The following SLC4A4 variants were observed in gnomAD, a reference collection of about 807,000 sequenced individuals.
The protein encoded by SLC4A4 is electrogenic sodium bicarbonate cotransporter 1.
SLC4A4 carries 27 observed loss-of-function variants against 111.5 expected under a neutral mutation model. That is an observed-to-expected ratio of 0.24 (90% CI 0.18 to 0.33). The LOEUF (loss-of-function observed/expected upper bound fraction) is 0.33, where lower values mean the gene tolerates loss of function less well. Among genes scored for constraint, SLC4A4 ranks in the 10% least tolerant of loss-of-function variants. The pLI is 1.00. For missense variants in SLC4A4, 909 were observed against 1,315.5 expected (o/e 0.69, Z 4.78); for synonymous variants, 443 against 463.4 (o/e 0.96, Z 0.57).
rs1737678572 is a variant in SLC4A4, at chr4:71,568,298, A to G, written c.*547A>G. On this transcript the variant is annotated 3_prime_UTR_variant, in exon 26 of 26. Transcript: ENST00000264485. ...GCTTACTGGCTTGTCTTTGTCTGGT[A>G]GAACAAACCTTGACCTCCAGACAGA... 1 of 166,598 alleles carries G rather than the reference A, an allele frequency of 6.0e-6. No homozygotes were observed. The highest frequency in any genetic ancestry group is 2.4e-5 in the African/African-American group (1 of 41,480). The allele number at this position is 166,598 out of a possible 1,614,324, so 10.3% of individuals were successfully genotyped here.
At chr4:71,469,909 T>G (rs1162162819) in intron 13 of SLC4A4, among the ~76,000 whole-genome samples, 4 of 151,978 alleles carry the variant, frequency 2.6e-5, no homozygotes, top group African/African-American at 9.7e-5. Flanking sequence ...GTACCCAAAC[T>G]AATGTTGTTC....
intron 2 of SLC4A4, among the ~76,000 whole-genome samples, chr4:71,125,227 C>T (rs1743529954): frequency 6.6e-6 from 1 of 152,150 alleles, no homozygotes; most frequent in Non-Finnish European, 1.5e-5. Flanking sequence ...AAGAGAACAA[C>T]AAAAAGGCCA....
intron 1 of SLC4A4, among the ~76,000 whole-genome samples, chr4:71,220,713 T>C (rs1282798815): frequency 6.6e-6 from 1 of 151,674 alleles, no homozygotes; most frequent in Admixed American, 6.6e-5. Flanking sequence ...ATTTTATTTA[T>C]TTTTTTTAAC....
At chr4:71,180,411 A>G (rs1361655348) in intron 2 of SLC4A4, among the ~76,000 whole-genome samples, 1 of 152,200 alleles carries the variant, frequency 6.6e-6, no homozygotes, top group Non-Finnish European at 1.5e-5. Context: ...AGAGTGAACA[A>G]GCAACCTACA....
At chr4:71,444,113 T>C (rs1725013933) in intron 8 of SLC4A4, among the ~76,000 whole-genome samples, 1 of 152,188 alleles carries the variant, frequency 6.6e-6, no homozygotes, top group Admixed American at 6.5e-5. Context: ...ATGCTAGAAA[T>C]AGCTGTGATG....
At chr4:71,100,927 G>A (rs1467453454) in intron 2 of SLC4A4, among the ~76,000 whole-genome samples, 1 of 152,192 alleles carries the variant, frequency 6.6e-6, no homozygotes, top group Non-Finnish European at 1.5e-5. Context: ...ACAAAACACT[G>A]CTCAAAGAAA....
intron 1 of SLC4A4, among the ~76,000 whole-genome samples, chr4:71,211,444 G>T (rs920433249): frequency 6.6e-6 from 1 of 152,304 alleles, no homozygotes; most frequent in East Asian, 1.9e-4. Context: ...CCATGAGGTT[G>T]TTTTTACCAG....
intron 1 of SLC4A4, among the ~76,000 whole-genome samples, chr4:71,070,686 T>C (rs1211574501): frequency 6.6e-6 from 1 of 152,184 alleles, no homozygotes; most frequent in Non-Finnish European, 1.5e-5. Context: ...CAATTAAAAA[T>C]ACTGGTTTGA....
chr4:71,531,967 T>C, intron 16 of SLC4A4, 95 bp from the exon 17 acceptor site: 1 of 753,310 alleles, frequency 1.3e-6, no homozygotes, highest in South Asian at 1.5e-5. Context: ...TGCTATAAAC[T>C]ATTAGCAAAT....
intron 20 of SLC4A4, among the ~76,000 whole-genome samples, chr4:71,550,727 C>G (rs1560612736): frequency 6.6e-6 from 1 of 151,916 alleles, no homozygotes; most frequent in Non-Finnish European, 1.5e-5. Flanking sequence ...ATATCCCTCA[C>G]AAGTTTAATG....
chr4:71,515,137 T>C (rs1732266443), intron 16 of SLC4A4, among the ~76,000 whole-genome samples: 1 of 152,090 alleles, frequency 6.6e-6, no homozygotes, highest in South Asian at 2.1e-4. Context: ...TTCTTCATAC[T>C]GTTTTGCTGA....
intron 2 of SLC4A4, among the ~76,000 whole-genome samples, chr4:71,160,286 T>C (rs548928735): frequency 6.6e-6 from 1 of 152,286 alleles, no homozygotes; most frequent in Non-Finnish European, 1.5e-5. Context: ...ACTAAATACA[T>C]TCCCTATTGT....
chr4:71,245,838 G>A (rs1446072230), intron 2 of SLC4A4, among the ~76,000 whole-genome samples: 1 of 152,090 alleles, frequency 6.6e-6, no homozygotes, highest in Non-Finnish European at 1.5e-5. Flanking sequence ...CCAACATTTG[G>A]AGATTAACAA....
intron 7 of SLC4A4, among the ~76,000 whole-genome samples, chr4:71,402,220 A>G (rs1720434534): frequency 6.6e-6 from 1 of 152,226 alleles, no homozygotes; most frequent in South Asian, 2.1e-4. Flanking sequence ...CTATCTTAAA[A>G]TGAAATCTAG....
At chr4:71,472,073 C>CT (rs976796482) in intron 13 of SLC4A4, among the ~76,000 whole-genome samples, 2 of 151,880 alleles carry the variant, frequency 1.3e-5, no homozygotes, top group Admixed American at 6.6e-5. Flanking sequence ...GCCACGTTAT[C>CT]TTTTTAACTA....
At chr4:71,176,071 T>G (rs185080596) in intron 2 of SLC4A4, among the ~76,000 whole-genome samples, 4 of 152,340 alleles carry the variant, frequency 2.6e-5, no homozygotes, top group Non-Finnish European at 5.9e-5. Context: ...AAACATGGTC[T>G]GGAGTGGACC....
chr4:71,475,739 T>C (rs1273352221), intron 14 of SLC4A4, among the ~76,000 whole-genome samples: 1 of 151,918 alleles, frequency 6.6e-6, no homozygotes, highest in Non-Finnish European at 1.5e-5. Flanking sequence ...AAACTAAGGT[T>C]AATAATAGTA....
At chr4:71,247,548 T>C (rs188768737) in intron 2 of SLC4A4, among the ~76,000 whole-genome samples, 1 of 152,132 alleles carries the variant, frequency 6.6e-6, no homozygotes, top group Admixed American at 6.5e-5. Flanking sequence ...AGTGTGAACG[T>C]GTGCATTTAT....
At chr4:71,435,090 C>A (rs184732572) in intron 7 of SLC4A4, among the ~76,000 whole-genome samples, 2 of 151,762 alleles carry the variant, frequency 1.3e-5, no homozygotes, top group South Asian at 2.1e-4. Context: ...CACATGGAAC[C>A]GCATATCCAA....
Sources: gnomAD v4.1 joint callset for allele counts (sites outside exome capture counted in the v4.1 genomes callset) on GRCh38, gnomAD v4.1.1 for gene constraint, MANE v1.5 for transcripts, NCBI Gene and HGNC (gene_info 2026-07-23, HGNC 2026-07-21) for gene names.